MRPL13: variants seen among roughly 807,000 people sequenced by gnomAD.
MRPL13 encodes mitochondrial ribosomal protein L13.
MRPL13 carries 33 observed loss-of-function variants against 29.0 expected under a neutral mutation model. That is an observed-to-expected ratio of 1.14 (90% CI 0.86 to 1.52). The LOEUF (loss-of-function observed/expected upper bound fraction) is 1.52. Among genes scored for constraint, MRPL13 ranks in the 40% most tolerant of loss-of-function variants. The pLI is 0.00. For synonymous variants in MRPL13, 77 were observed against 68.4 expected, an observed-to-expected ratio of 1.13 and a Z score of -0.62; for missense variants, 227 against 216.7, an observed-to-expected ratio of 1.05 and a Z score of -0.30.
At chr8:120,417,775 G>C (rs1302254406) in intron 5 of MRPL13, among the ~76,000 whole-genome samples, 1 of 151,948 alleles carries the variant, frequency 6.6e-6, no homozygotes, top group Non-Finnish European at 1.5e-5. Context: ...ATAGTCTTTT[G>C]CATGTGTATA....
chr8:120,442,554 C>T (rs1046131443), intron 2 of MRPL13, among the ~76,000 whole-genome samples: 1 of 152,004 alleles, frequency 6.6e-6, no homozygotes, highest in Non-Finnish European at 1.5e-5. Context: ...AAAATGTGAT[C>T]AATTGCAGCA....
At chr8:120,440,489 C>T (rs1014586757) in intron 2 of MRPL13, among the ~76,000 whole-genome samples, 4 of 151,732 alleles carry the variant, frequency 2.6e-5, no homozygotes, top group East Asian at 3.9e-4. Context: ...CCTGTAATCC[C>T]GGCTTCTCGG....
chr8:120,444,892 C>T (rs1813184854), intron 1 of MRPL13, 176 bp downstream of exon 1: 2 of 622,300 alleles, frequency 3.2e-6, no homozygotes, highest in Non-Finnish European at 5.7e-6. Flanking sequence ...GAGTAACAGA[C>T]GAACGACATT....
chr8:120,408,554 C>A (rs1368023582), intron 6 of MRPL13, among the ~76,000 whole-genome samples: 1 of 152,268 alleles, frequency 6.6e-6, no homozygotes, highest in African/African-American at 2.4e-5. Context: ...CCTTAGTCCA[C>A]AAGTCCAGCT....
intron 4 of MRPL13, among the ~76,000 whole-genome samples, chr8:120,423,938 A>G (rs1268495006): frequency 6.6e-6 from 1 of 152,152 alleles, no homozygotes; most frequent in Non-Finnish European, 1.5e-5. Flanking sequence ...AAAATCTTCT[A>G]AGGGCTTTCA....
intron 2 of MRPL13, among the ~76,000 whole-genome samples, chr8:120,439,051 T>G (rs1813086501): frequency 2.0e-5 from 3 of 152,232 alleles, no homozygotes; most frequent in Non-Finnish European, 4.4e-5. Flanking sequence ...TTGTTAAAAT[T>G]TATTTGTTAC....
chr8:120,434,750 G>A (rs1274945783), intron 2 of MRPL13, among the ~76,000 whole-genome samples: 1 of 152,026 alleles, frequency 6.6e-6, no homozygotes, highest in African/African-American at 2.4e-5. Flanking sequence ...CTAGAGTATA[G>A]GATAACTTTT....
chr8:120,421,815 C>T (rs761794996), intron 4 of MRPL13, among the ~76,000 whole-genome samples: 1 of 151,582 alleles, frequency 6.6e-6, no homozygotes, highest in Non-Finnish European at 1.5e-5. Flanking sequence ...TATACTGCCT[C>T]CTAGTGTACA....
chr8:120,427,231 A>G (rs371283371), intron 3 of MRPL13, among the ~76,000 whole-genome samples: 12 of 152,218 alleles, frequency 7.9e-5, no homozygotes, highest in African/African-American at 2.4e-4. Flanking sequence ...AAATGTAAAT[A>G]TTCAGCTGCA....
intron 6 of MRPL13, among the ~76,000 whole-genome samples, chr8:120,412,121 A>T (rs901925877): frequency 6.4e-4 from 98 of 152,124 alleles, no homozygotes; most frequent in Non-Finnish European, 1.3e-3. Context: ...TTCTAATTTT[A>T]AAAAAAAGAG....
chr8:120,414,641 A>T (rs1812784024), intron 5 of MRPL13: 1 of 152,182 alleles, frequency 6.6e-6, no homozygotes, highest in African/African-American at 2.4e-5. Flanking sequence ...TCAGCTTAAA[A>T]TTTTTCAGGA....
chr8:120,406,554 C>CGT (rs1563771107), intron 6 of MRPL13, among the ~76,000 whole-genome samples: 16 of 62,648 alleles, frequency 2.6e-4, no homozygotes, highest in African/African-American at 7.8e-4. Context: ...TATATGTGTG[C>CGT]ATGTGTGTGT....
rs758258179 is a variant in MRPL13 at position 120,445,114 on chromosome 8, C to T, written c.-20G>A. The T allele has an allele frequency of 3.7e-6, 6 of 1,613,812 alleles. No homozygotes were observed. Among genetic ancestry groups the T allele is most frequent in the Non-Finnish European group, 5.1e-6 (6 of 1,179,922 alleles). The stretch of plus-strand genomic sequence containing the variant: ...CGACATATTCCTCTACTAGCAGGAC[C>T]GTACGTCCTTCTCCTAGTAGCCACG... On this transcript the variant is annotated 5_prime_UTR_variant, in exon 1 of 7. Transcript: ENST00000306185.
chr8:120,414,849 T>C (rs139371578), intron 5 of MRPL13: 1 of 152,292 alleles, frequency 6.6e-6, no homozygotes, highest in South Asian at 2.1e-4. Flanking sequence ...ACTTTCCCCC[T>C]ACTATGTATC....
intron 6 of MRPL13, among the ~76,000 whole-genome samples, chr8:120,399,995 G>A (rs1009171855): frequency 4.6e-5 from 7 of 152,158 alleles, no homozygotes; most frequent in Admixed American, 3.9e-4. Context: ...CAAGTTCTTA[G>A]AGACCTATAA....
chr8:120,416,281 T>TC (rs1285121845), intron 5 of MRPL13, among the ~76,000 whole-genome samples: 11 of 151,978 alleles, frequency 7.2e-5, no homozygotes, highest in Non-Finnish European at 1.5e-4. Flanking sequence ...GATCACGAGG[T>TC]CAGGAGATCG....
At chr8:120,428,369 A>G (rs1171331935) in intron 3 of MRPL13, among the ~76,000 whole-genome samples, 1 of 152,180 alleles carries the variant, frequency 6.6e-6, no homozygotes, top group East Asian at 1.9e-4. Context: ...ACTTAACTGT[A>G]AAACCCAAAA....
intron 4 of MRPL13, among the ~76,000 whole-genome samples, chr8:120,423,689 C>T (rs888554218): frequency 4.0e-5 from 6 of 151,768 alleles, no homozygotes; most frequent in African/African-American, 1.5e-4. Flanking sequence ...CAGTTGTAGA[C>T]AAAAAAGGTG....
intron 6 of MRPL13, among the ~76,000 whole-genome samples, chr8:120,412,814 A>C (rs1812754865): frequency 1.3e-5 from 2 of 152,210 alleles, no homozygotes; most frequent in South Asian, 4.1e-4. Context: ...CAGCAGAGTT[A>C]GGAGCATGAC....
Sources: allele counts gnomAD v4.1 joint callset (sites outside exome capture counted in the v4.1 genomes callset), GRCh38; gene constraint gnomAD v4.1.1; transcripts MANE v1.5; gene names NCBI Gene and HGNC (gene_info 2026-07-23, HGNC 2026-07-21).